Variants in NEB observed in about 807,000 individuals in gnomAD.
NEB encodes the protein nebulin.
In NEB, 512 loss-of-function variants were observed where a neutral mutation model predicts 952.2. The ratio of observed to expected loss-of-function variants is 0.54; its 90% CI spans 0.50 to 0.58. The LOEUF (loss-of-function observed/expected upper bound fraction) is 0.58, where lower values mean the gene tolerates loss of function less well. Among genes scored for constraint, NEB ranks in the 20% least tolerant of loss-of-function variants. NEB has a pLI of 0.00. For missense variants in NEB, 8,428 were observed against 9,231.1 expected, an observed-to-expected ratio of 0.91 and a Z score of 3.56; for synonymous variants, 2,900 against 3,149.8, an observed-to-expected ratio of 0.92 and a Z score of 2.66.
Position 151,497,639 on chromosome 2 carries a change from T to C in NEB, c.24287A>G (p.Glu8096Gly). ...TTGCCAAAGTACCGAGCTAATATTT[T>C]CTTGATTGTGTTTGACTCTTTCCAT... ...PEMERVKHNQENISSVLYKEN... is the reference protein window; with the variant it reads ...PEMERVKHNQGNISSVLYKEN... The change falls in exon 171 of 182, where the codon GAA becomes GGA. Residue 8096 changes from glutamate (E) to glycine (G), a missense_variant. Physicochemically the swap from Glu to Gly is moderately conservative, Grantham distance 98 (BLOSUM62 -2). Transcript: ENST00000397345. 1 of 1,576,886 alleles carries C rather than the reference T, an allele frequency of 6.3e-7. No individual in the cohort carries two copies. The highest frequency in any genetic ancestry group is 1.2e-5 in the South Asian group (1 of 86,278).
chr2:151,526,297 C>A, intron 148 of NEB, 35 bp from the exon 149 acceptor site: 1 of 1,369,830 alleles, frequency 7.3e-7, no homozygotes, highest in East Asian at 2.4e-5. Context: ...TTCTTTAGCT[C>A]TGCTGGATAT....
At chr2:151,639,026 A>G (rs2098813180) in intron 63 of NEB, among the ~76,000 whole-genome samples, 3 of 152,208 alleles carry the variant, frequency 2.0e-5, no homozygotes, top group African/African-American at 7.2e-5. Flanking sequence ...CAAAAAAATA[A>G]TAAAAGAAAA....
rs77827516 is a variant in NEB, at chr2:151,629,244, A to G, written c.9831+295T>C. 1.2e-3 allele frequency among the ~76,000 whole-genome samples: 185 copies of G among 152,294 alleles called. 5 individuals carry two copies. In the East Asian group the frequency reaches 0.033, roughly 27 times the overall value. On this transcript the variant is annotated intron_variant, in intron 68 of 181. Coordinates refer to ENST00000397345, the MANE Select transcript of NEB (RefSeq NM_001164508.2). The stretch of plus-strand genomic sequence containing the variant: ...TTCTGTGAGGCTCTATGCTCAAAAT[A>G]TGGAGATGAATTTCTCATAATTGTA...
chr2:151,578,793 C>A (rs1292866494), intron 105 of NEB, among the ~76,000 whole-genome samples: 5 of 146,402 alleles, frequency 3.4e-5, no homozygotes, highest in African/African-American at 7.6e-5. Context: ...GAAGGAAGGG[C>A]GGGCAAGGCT....
rs1458322056 is a variant in NEB at position 151,620,343 on chromosome 2, GTGTGTATATATA to G, written c.10560+564_10560+575del. On this transcript the variant is annotated intron_variant, in intron 72 of 181. Coordinates refer to ENST00000397345, the MANE Select transcript of NEB (RefSeq NM_001164508.2). Reference sequence around the variant, plus strand: ...AATTTTATTATATATATATGTATGTGTGTGTATATATATATATATATATATATATATATATAT... The same window carrying G: ...AATTTTATTATATATATATGTATGTGTATATATATATATATATATATATAT... 6.4e-3 allele frequency among the ~76,000 whole-genome samples: 314 copies of G among 48,890 alleles called. 7 individuals are homozygous for G. Among genetic ancestry groups the G allele is most frequent in the South Asian group, 0.028 (51 of 1,792 alleles). 32.1% of individuals were successfully genotyped at this position (48,890 alleles called of 152,430 possible).
rs757290966 is a variant in NEB at position 151,490,080 on chromosome 2, G to GA, written c.25298-4dup. On this transcript the variant is annotated splice_polypyrimidine_tract_variant and splice_region_variant and intron_variant, in intron 180 of 181. Transcript: ENST00000397345. ...TGTGGTTTTTGCATGTTTGTAAGCT[G>GA]AAAAAAAGGGGGCAAATTCTTTATA... 4.4e-6 allele frequency: 7 copies of GA among 1,591,832 alleles called. No individual in the cohort carries two copies. The highest frequency in any genetic ancestry group is 3.5e-5 in the Admixed American group (2 of 56,452).
At chr2:151,619,278 T>G (rs187430466) in intron 73 of NEB, among the ~76,000 whole-genome samples, 173 bp downstream of exon 73, 8 of 152,342 alleles carry the variant, frequency 5.3e-5, no homozygotes, top group Admixed American at 5.2e-4. Flanking sequence ...TACAGAGAAC[T>G]TTTGGAGAAG....
intron 12 of NEB, 147 bp from the exon 13 acceptor site, chr2:151,707,144 C>G: frequency 1.7e-6 from 1 of 596,322 alleles, no homozygotes; most frequent in Admixed American, 3.2e-5. Flanking sequence ...CTCATAGTAA[C>G]TCTTAAAAGC....
chr2:151,569,962 T>C (rs1197505534), intron 109 of NEB, 119 bp downstream of exon 109: 4 of 1,002,850 alleles, frequency 4.0e-6, no homozygotes, highest in Admixed American at 5.3e-5. Flanking sequence ...GTCTCACTAA[T>C]ATTAAATTCT....
intron 1 of NEB, 101 bp downstream of exon 1, chr2:151,734,297 A>G (rs761953255): frequency 1.3e-5 from 2 of 152,166 alleles, no homozygotes; most frequent in Non-Finnish European, 2.9e-5. Context: ...TCTACCACTA[A>G]TTTCCTCAGT....
chr2:151,624,588 C>A (rs2098482348), intron 71 of NEB, among the ~76,000 whole-genome samples: 1 of 152,054 alleles, frequency 6.6e-6, no homozygotes, highest in Non-Finnish European at 1.5e-5. Context: ...TGAAATCATA[C>A]CCTCTCCATT....
chr2:151,516,993 A>T (rs1013969174), intron 156 of NEB, among the ~76,000 whole-genome samples: 1 of 152,212 alleles, frequency 6.6e-6, no homozygotes, highest in Non-Finnish European at 1.5e-5. Context: ...AAGAACTTTT[A>T]TCAGAGACCT....
At chr2:151,565,890 C>T in intron 114 of NEB, 70 bp from the exon 115 acceptor site, 1 of 999,476 alleles carries the variant, frequency 1.0e-6, no homozygotes, top group Non-Finnish European at 1.5e-6. Context: ...GGGCAGGTTA[C>T]AATTTTTTCA....
intron 45 of NEB, among the ~76,000 whole-genome samples, chr2:151,663,066 T>C (rs78776959): frequency 0.011 from 1,701 of 152,334 alleles, 38 homozygotes; most frequent in East Asian, 0.063. Flanking sequence ...GTCTTCCTTA[T>C]ATTTAGTCTA....
In NEB at chr2:151,489,990, G is replaced by C; in HGVS notation, c.25385C>G (p.Ser8462Cys). The C allele has an allele frequency of 1.2e-6, 2 of 1,605,638 alleles. No homozygotes were observed. The highest frequency in any genetic ancestry group is 1.7e-6 in the Non-Finnish European group (2 of 1,172,346). The change falls in exon 181 of 182, where the codon TCT (serine) becomes TGT (cysteine). Residue 8462 changes from serine (S) to cysteine (C), a missense_variant. By Grantham distance (112) the Ser-to-Cys change is moderately radical. Around this residue, in one of 11 missense-constraint regions of NEB, gnomAD observed 3,374 missense variants for 3,651.5 expected, o/e 0.92. Transcript: ENST00000397345. The stretch of plus-strand genomic sequence containing the variant: ...ACTTACTCCAGCAGTAGATGGATGA[G>C]ATGGGATGGAAGATACCGTTGTCTG... ...TQQTTVSSIPSHPSTAGKIFR... is the reference protein window; with the variant it reads ...TQQTTVSSIPCHPSTAGKIFR...
At chr2:151,506,692 A>G (rs1392450995) in intron 163 of NEB, among the ~76,000 whole-genome samples, 4 of 152,244 alleles carry the variant, frequency 2.6e-5, no homozygotes, top group Non-Finnish European at 5.9e-5. Flanking sequence ...AAAAAATTTA[A>G]AAATAAAAGT....
At position 151,609,678 on chromosome 2, in the gene NEB, A is replaced by G. The variant is rs544719028; in HGVS notation, c.12330+131T>C. On this transcript the variant is annotated intron_variant, in intron 81 of 181. Transcript: ENST00000397345. ...ATGGATTTTATATTAAACAATGTGAATGGTACCCCCAGCCCCACCCCCAGG... is the reference window on the plus strand; with the variant it reads ...ATGGATTTTATATTAAACAATGTGAGTGGTACCCCCAGCCCCACCCCCAGG... 29 of 701,830 alleles carry G rather than the reference A, an allele frequency of 4.1e-5. No individual in the cohort carries two copies. In the Admixed American group the frequency reaches 4.5e-4, roughly 11 times the overall value. 43.5% of individuals were successfully genotyped at this position (701,830 alleles called of 1,614,324 possible).
chr2:151,632,763 G>T (rs889463951), intron 65 of NEB, among the ~76,000 whole-genome samples: 16 of 151,598 alleles, frequency 1.1e-4, no homozygotes, highest in Non-Finnish European at 2.1e-4. Flanking sequence ...CCCACATTAT[G>T]AAGGTCATAT....
chr2:151,494,811 G>A (rs2059096332), intron 173 of NEB, among the ~76,000 whole-genome samples: 1 of 152,084 alleles, frequency 6.6e-6, no homozygotes, highest in Admixed American at 6.6e-5. Context: ...ACCATGCCCG[G>A]CTAATTTTTG....
Sources: allele counts gnomAD v4.1 joint callset (sites outside exome capture counted in the v4.1 genomes callset), GRCh38; gene constraint gnomAD v4.1.1; regional missense constraint gnomAD v4.1.1; transcripts MANE v1.5; gene names NCBI Gene and HGNC (gene_info 2026-07-23, HGNC 2026-07-21).